SYT1: variants seen among roughly 807,000 people sequenced by gnomAD.
The protein encoded by SYT1 is synaptotagmin 1, also known as synaptotagmin-1.
In SYT1, 8 loss-of-function variants were observed where a neutral mutation model predicts 44.8. That is an observed-to-expected ratio of 0.18 (90% CI 0.10 to 0.32). The LOEUF is 0.32. Ranked by LOEUF, SYT1 falls within the 10% of genes least tolerant of loss-of-function variation. SYT1 has a pLI of 1.00. For synonymous variants in SYT1, 154 were observed against 188.8 expected, an observed-to-expected ratio of 0.82 and a Z score of 1.51; for missense variants, 286 against 509.3, an observed-to-expected ratio of 0.56 and a Z score of 4.22.
intron 3 of SYT1, among the ~76,000 whole-genome samples, chr12:79,121,440 A>G (rs1197004521): frequency 6.6e-6 from 1 of 151,920 alleles, no homozygotes; most frequent in Non-Finnish European, 1.5e-5. Flanking sequence ...GAAAGCTTTC[A>G]GTAACATCAA....
intron 3 of SYT1, among the ~76,000 whole-genome samples, chr12:79,119,406 C>G (rs1293413379): frequency 6.6e-6 from 1 of 152,108 alleles, no homozygotes; most frequent in African/African-American, 2.4e-5. Context: ...AAAACTTTAC[C>G]GCTCTTCAGT....
intron 9 of SYT1, among the ~76,000 whole-genome samples, chr12:79,405,754 G>A (rs1302491252): frequency 6.6e-6 from 1 of 152,094 alleles, no homozygotes; most frequent in Non-Finnish European, 1.5e-5. Flanking sequence ...TGCCATCAGG[G>A]ACCTGTGTTT....
At chr12:78,947,283 G>C (rs1878709855) in intron 1 of SYT1, among the ~76,000 whole-genome samples, 1 of 152,068 alleles carries the variant, frequency 6.6e-6, no homozygotes, top group Non-Finnish European at 1.5e-5. Flanking sequence ...GAAAAATGAA[G>C]GTATTTTTAC....
At chr12:78,878,799 G>GGATCA (rs1874305891) in intron 1 of SYT1, among the ~76,000 whole-genome samples, 2 of 151,760 alleles carry the variant, frequency 1.3e-5, no homozygotes, top group Admixed American at 1.3e-4. Context: ...TAGCCATTGC[G>GGATCA]GATCAGAGTG....
At chr12:79,443,909 T>C (rs1468114489) in intron 9 of SYT1, among the ~76,000 whole-genome samples, 164 bp from the exon 10 acceptor site, 2 of 152,178 alleles carry the variant, frequency 1.3e-5, no homozygotes, top group Non-Finnish European at 2.9e-5. Context: ...ATCATGCCCA[T>C]AGGTTATTTA....
chr12:79,390,476 A>C (rs1884613925), intron 9 of SYT1, among the ~76,000 whole-genome samples: 1 of 152,138 alleles, frequency 6.6e-6, no homozygotes, highest in Non-Finnish European at 1.5e-5. Context: ...AGGATAAGAA[A>C]AGCAGACACT....
chr12:79,395,700 ATAG>A (rs568656121), intron 9 of SYT1, among the ~76,000 whole-genome samples: 127 of 152,292 alleles, frequency 8.3e-4, no homozygotes, highest in Admixed American at 2.9e-3. Flanking sequence ...ACAGACTTTG[ATAG>A]TAGTCTACTT....
chr12:79,388,739 G>A (rs1884538428), intron 9 of SYT1, among the ~76,000 whole-genome samples: 1 of 151,952 alleles, frequency 6.6e-6, no homozygotes, highest in African/African-American at 2.4e-5. Flanking sequence ...TTTTGTAGTG[G>A]TAGAAGTTTC....
chr12:79,390,573 G>A (rs766537651), intron 9 of SYT1, among the ~76,000 whole-genome samples: 8 of 151,914 alleles, frequency 5.3e-5, no homozygotes, highest in Non-Finnish European at 1.0e-4. Flanking sequence ...GCTGCTTGGT[G>A]AATTTTGTTT....
At chr12:79,250,074 C>A (rs1877107460) in intron 4 of SYT1, among the ~76,000 whole-genome samples, 1 of 152,186 alleles carries the variant, frequency 6.6e-6, no homozygotes, top group African/African-American at 2.4e-5. Flanking sequence ...TGAATATTAT[C>A]ATTATTTCCA....
chr12:79,008,999 G>T (rs1438004577), intron 2 of SYT1, among the ~76,000 whole-genome samples: 1 of 152,118 alleles, frequency 6.6e-6, no homozygotes, highest in African/African-American at 2.4e-5. Context: ...CTCTAACCAT[G>T]TTTATGGTTC....
At chr12:79,296,451 A>G (rs958865342) in intron 7 of SYT1, among the ~76,000 whole-genome samples, 1 of 152,204 alleles carries the variant, frequency 6.6e-6, no homozygotes, top group African/African-American at 2.4e-5. Flanking sequence ...TCATTTCAGA[A>G]TGGAATGGAC....
intron 1 of SYT1, among the ~76,000 whole-genome samples, chr12:78,895,430 G>C (rs188482838): frequency 6.6e-6 from 1 of 151,396 alleles, no homozygotes; most frequent in Admixed American, 6.6e-5. Flanking sequence ...CACATAATAA[G>C]CAGACTAAAG....
intron 3 of SYT1, among the ~76,000 whole-genome samples, chr12:79,171,306 G>C (rs966441036): frequency 6.6e-6 from 1 of 151,984 alleles, no homozygotes; most frequent in African/African-American, 2.4e-5. Flanking sequence ...TCATGATATT[G>C]ATTCTTCCTC....
chr12:79,369,335 G>T (rs2136044851), intron 9 of SYT1, among the ~76,000 whole-genome samples: 1 of 152,200 alleles, frequency 6.6e-6, no homozygotes, highest in Non-Finnish European at 1.5e-5. Context: ...TATTAGCCAG[G>T]CATGGTGGCA....
At chr12:79,253,444 G>A (rs889970329) in intron 4 of SYT1, among the ~76,000 whole-genome samples, 1 of 149,428 alleles carries the variant, frequency 6.7e-6, no homozygotes, top group African/African-American at 2.5e-5. Context: ...CCATAAATGT[G>A]GTGTATGTTC....
At chr12:79,423,908 G>A (rs560833810) in intron 9 of SYT1, among the ~76,000 whole-genome samples, 1 of 151,344 alleles carries the variant, frequency 6.6e-6, no homozygotes, top group Admixed American at 6.6e-5. Flanking sequence ...CTAAGCACCT[G>A]GATCTATTAA....
intron 3 of SYT1, among the ~76,000 whole-genome samples, chr12:79,179,335 T>G (rs1000783160): frequency 1.2e-5 from 1 of 85,510 alleles, no homozygotes; most frequent in African/African-American, 5.2e-5. Flanking sequence ...TAGATATAGA[T>G]ATATCGATAT....
At chr12:79,176,936 T>A (rs991818350) in intron 3 of SYT1, among the ~76,000 whole-genome samples, 6 of 151,966 alleles carry the variant, frequency 3.9e-5, no homozygotes, top group Non-Finnish European at 8.8e-5. Context: ...ATCCAAAAAT[T>A]GAACATTCGT....
Sources: gnomAD v4.1 joint callset for allele counts (sites outside exome capture counted in the v4.1 genomes callset) on GRCh38, gnomAD v4.1.1 for gene constraint, MANE v1.5 for transcripts, NCBI Gene and HGNC (gene_info 2026-07-23, HGNC 2026-07-21) for gene names.